FAM184A: variants seen among roughly 807,000 people sequenced by gnomAD.
FAM184A encodes protein FAM184A.
FAM184A carries 99 observed loss-of-function variants against 143.8 expected under a neutral mutation model. The observed-to-expected ratio is 0.69, with a 90% CI of 0.58 to 0.81. The LOEUF (loss-of-function observed/expected upper bound fraction) is 0.81, where lower values mean the gene tolerates loss of function less well. Among genes scored for constraint, FAM184A ranks in the 40% least tolerant of loss-of-function variants. The probability of loss-of-function intolerance (pLI) is 0.00; values close to 1 mark genes in which losing one functional copy is unlikely to be tolerated. For missense variants in FAM184A, 1,217 were observed against 1,310.5 expected (o/e 0.93, Z 1.10); for synonymous variants, 427 against 446.4 (o/e 0.96, Z 0.55).
chr6:118,967,188 C>T (rs1783527636), intron 14 of FAM184A, among the ~76,000 whole-genome samples: 1 of 152,128 alleles, frequency 6.6e-6, no homozygotes, highest in Non-Finnish European at 1.5e-5. Flanking sequence ...CTGAAGAAGT[C>T]ACTCATTTTA....
chr6:119,135,084 A>G (rs1292031078), intron 1 of FAM184A, among the ~76,000 whole-genome samples: 1 of 152,266 alleles, frequency 6.6e-6, no homozygotes, highest in Non-Finnish European at 1.5e-5. Context: ...AAGAACAAAA[A>G]GTAATAAATA....
rs151224389 is a variant in FAM184A, at chr6:119,116,307, G to A, written c.-202+32771C>T. 7.4e-3 allele frequency among the ~76,000 whole-genome samples: 1,123 copies of A among 152,000 alleles called. 5 individuals carry two copies. The highest frequency in any genetic ancestry group is 9.9e-3 in the Non-Finnish European group (673 of 67,962). On this transcript the variant is annotated intron_variant, in intron 1 of 16. Coordinates refer to the FAM184A transcript ENST00000352896. Reference sequence around the variant, plus strand: ...TTTATAAGTGGGAGCTAAACACTAAGTACACATGATCATAAAGATGGGAAC... The same window carrying A: ...TTTATAAGTGGGAGCTAAACACTAAATACACATGATCATAAAGATGGGAAC...
At chr6:119,071,042 C>G (rs1043153565) in intron 1 of FAM184A, among the ~76,000 whole-genome samples, 1 of 152,112 alleles carries the variant, frequency 6.6e-6, no homozygotes, top group African/African-American at 2.4e-5. Flanking sequence ...ATTCTTCATT[C>G]CCATCTCACA....
At chr6:118,964,577 TTATC>T (rs1208629669) in intron 16 of FAM184A, 86 bp downstream of exon 16, 7 of 573,948 alleles carry the variant, frequency 1.2e-5, no homozygotes, top group Non-Finnish European at 2.1e-5. Context: ...TTTGGGAGCT[TTATC>T]TAACTATGCT....
chr6:119,139,647 T>TAAA (rs34268474), intron 1 of FAM184A, among the ~76,000 whole-genome samples: 1,817 of 142,608 alleles, frequency 0.013, 34 homozygotes, highest in African/African-American at 0.044. Flanking sequence ...ATATTTAAAG[T>TAAA]AAAAAAAAAA....
intron 1 of FAM184A, among the ~76,000 whole-genome samples, chr6:119,102,364 A>C (rs1357299975): frequency 6.6e-6 from 1 of 152,184 alleles, no homozygotes; most frequent in Non-Finnish European, 1.5e-5. Context: ...AGGCATGAGA[A>C]GGAGGCCTGT....
At chr6:119,009,892 C>G (rs901914369) in intron 6 of FAM184A, among the ~76,000 whole-genome samples, 7 of 152,134 alleles carry the variant, frequency 4.6e-5, no homozygotes, top group Non-Finnish European at 1.0e-4. Flanking sequence ...TACAGAAAAA[C>G]TTCGTATATA....
At chr6:119,025,168 G>A (rs1369947614) in intron 1 of FAM184A, among the ~76,000 whole-genome samples, 4 of 152,230 alleles carry the variant, frequency 2.6e-5, no homozygotes, top group Middle Eastern at 3.4e-3. Flanking sequence ...CTAGCTTACC[G>A]GGGACTGTGA....
Position 119,002,886 on chromosome 6 carries a change from C to A in FAM184A, c.2088+13G>T, listed in dbSNP as rs1277685586. The A allele has an allele frequency of 6.2e-7, 1 of 1,600,702 alleles. No homozygotes were observed. The highest frequency in any genetic ancestry group is 8.5e-7 in the Non-Finnish European group (1 of 1,175,126). Reference sequence around the variant, plus strand: ...GGGAGATGAAACTTCATCATGTACACATTATTAATTACCTGGTTTAAGAGA... The same window carrying A: ...GGGAGATGAAACTTCATCATGTACAAATTATTAATTACCTGGTTTAAGAGA... On this transcript the variant is annotated intron_variant, in intron 9 of 17. Coordinates refer to ENST00000338891, the MANE Select transcript of FAM184A (RefSeq NM_024581.6).
At chr6:119,056,475 A>G (rs1786979749) in intron 1 of FAM184A, among the ~76,000 whole-genome samples, 1 of 152,230 alleles carries the variant, frequency 6.6e-6, no homozygotes, top group Non-Finnish European at 1.5e-5. Context: ...TATGCTTACT[A>G]GAATACATTT....
At chr6:119,039,463 G>C (rs996511002) in intron 1 of FAM184A, among the ~76,000 whole-genome samples, 1 of 152,224 alleles carries the variant, frequency 6.6e-6, no homozygotes, top group Admixed American at 6.5e-5. Context: ...GAACGATCAA[G>C]CCATGGGAAA....
chr6:119,120,271 T>G (rs2114860242), intron 1 of FAM184A, among the ~76,000 whole-genome samples: 1 of 152,350 alleles, frequency 6.6e-6, no homozygotes, highest in African/African-American at 2.4e-5. Flanking sequence ...ATACAATATA[T>G]GGTATTCTGT....
intron 3 of FAM184A, among the ~76,000 whole-genome samples, chr6:119,021,243 T>A (rs1213414797): frequency 2.0e-5 from 3 of 148,060 alleles, no homozygotes; most frequent in African/African-American, 8.0e-5. Flanking sequence ...GATTCACTGA[T>A]AAGCCAATCA....
In FAM184A at chr6:119,006,599, G is replaced by C; in HGVS notation, c.1663C>G (p.Leu555Val). 1 of 1,610,938 alleles carries C rather than the reference G, an allele frequency of 6.2e-7. No homozygotes were observed. Among genetic ancestry groups the C allele is most frequent in the South Asian group, 1.1e-5 (1 of 90,226 alleles). Reference protein sequence around the residue: ...LNTANQEIGHLQDMVRKSEQG... With the variant: ...LNTANQEIGHVQDMVRKSEQG... ...TCACTTTTCCTTACCATATCTTGGA[G>C]GTGGCCAATCTGTAAGTAAATAGAG... The change falls in exon 7 of 18, where the codon CTC (leucine) becomes GTC (valine). Residue 555 changes from leucine (L) to valine (V), a missense_variant. By Grantham distance (32) the Leu-to-Val change is conservative. Coordinates refer to ENST00000338891, the MANE Select transcript of FAM184A (RefSeq NM_024581.6).
chr6:119,104,959 G>A (rs1157809978), intron 1 of FAM184A, among the ~76,000 whole-genome samples: 2 of 152,028 alleles, frequency 1.3e-5, no homozygotes, highest in Non-Finnish European at 2.9e-5. Context: ...CTAATTATGA[G>A]AAAAACATAA....
At chr6:119,145,366 C>T (rs1004617921) in intron 1 of FAM184A, among the ~76,000 whole-genome samples, 3 of 152,046 alleles carry the variant, frequency 2.0e-5, no homozygotes, top group African/African-American at 7.2e-5. Flanking sequence ...TAGCTCTTAC[C>T]CACACTTCTG....
At chr6:119,055,214 CAT>C (rs1786918866) in intron 1 of FAM184A, among the ~76,000 whole-genome samples, 1 of 152,180 alleles carries the variant, frequency 6.6e-6, no homozygotes, top group Non-Finnish European at 1.5e-5. Context: ...TACATTGTAG[CAT>C]ATATCAGTAT....
intron 1 of FAM184A, among the ~76,000 whole-genome samples, chr6:119,146,913 C>T (rs182732394): frequency 0.016 from 2,438 of 151,848 alleles, 67 homozygotes; most frequent in African/African-American, 0.056. Flanking sequence ...GATGTGCACC[C>T]CCAGGCTTGC....
intron 7 of FAM184A, among the ~76,000 whole-genome samples, chr6:119,004,561 G>A (rs972650515): frequency 5.9e-5 from 9 of 152,134 alleles, no homozygotes; most frequent in Admixed American, 6.5e-5. Context: ...AACATTAAAC[G>A]GAGTAGACTG....
Sources: allele counts gnomAD v4.1 joint callset (sites outside exome capture counted in the v4.1 genomes callset), GRCh38; gene constraint gnomAD v4.1.1; transcripts MANE v1.5; gene names NCBI Gene and HGNC (gene_info 2026-07-23, HGNC 2026-07-21).